HCN1: variants seen among roughly 807,000 people sequenced by gnomAD.
The protein encoded by HCN1 is hyperpolarization activated cyclic nucleotide gated potassium channel 1.
A neutral mutation model predicts 78.9 loss-of-function variants in HCN1; 13 were observed. That is an observed-to-expected ratio of 0.16 (90% confidence interval 0.11 to 0.26). The LOEUF (loss-of-function observed/expected upper bound fraction) is 0.26, where lower values mean the gene tolerates loss of function less well. Among genes scored for constraint, HCN1 ranks in the 10% least tolerant of loss-of-function variants. The pLI, the probability that HCN1 is intolerant of heterozygous loss-of-function variation, is 1.00. For synonymous variants in HCN1, 552 were observed against 455.5 expected (o/e 1.21, Z -2.70); for missense variants, 810 against 1,154.3 (o/e 0.70, Z 4.32).
chr5:45,440,461 C>A (rs1388420067), intron 3 of HCN1, among the ~76,000 whole-genome samples: 1 of 152,006 alleles, frequency 6.6e-6, no homozygotes, highest in African/African-American at 2.4e-5. Context: ...AAACTCATGC[C>A]CCTCTTGTGA....
chr5:45,328,987 ATGTAT>A (rs1413213998), intron 5 of HCN1, among the ~76,000 whole-genome samples: 1 of 151,662 alleles, frequency 6.6e-6, no homozygotes, highest in Non-Finnish European at 1.5e-5. Context: ...TTTGTTTTAA[ATGTAT>A]TGTATGTGAA....
intron 4 of HCN1, among the ~76,000 whole-genome samples, chr5:45,369,865 G>A (rs1046900094): frequency 1.3e-5 from 2 of 151,988 alleles, no homozygotes; most frequent in African/African-American, 4.8e-5. Flanking sequence ...ATACCTAAGA[G>A]ATAAGAGAAC....
intron 2 of HCN1, among the ~76,000 whole-genome samples, chr5:45,639,573 T>C (rs1349944465): frequency 6.6e-6 from 1 of 152,160 alleles, no homozygotes; most frequent in African/African-American, 2.4e-5. Flanking sequence ...ATCATAAAAA[T>C]TGAAACCTCC....
chr5:45,504,454 A>G (rs890682149), intron 2 of HCN1, among the ~76,000 whole-genome samples: 1 of 152,132 alleles, frequency 6.6e-6, no homozygotes, highest in Non-Finnish European at 1.5e-5. Context: ...GCTGCATAGT[A>G]TTCCATGGTG....
intron 4 of HCN1, among the ~76,000 whole-genome samples, chr5:45,361,181 G>C (rs1390419471): frequency 1.3e-5 from 2 of 152,092 alleles, no homozygotes; most frequent in African/African-American, 4.8e-5. Context: ...TGAGATTACA[G>C]GCATGCATCT....
At chr5:45,477,842 A>G (rs971361612) in intron 2 of HCN1, among the ~76,000 whole-genome samples, 1 of 152,198 alleles carries the variant, frequency 6.6e-6, no homozygotes, top group Non-Finnish European at 1.5e-5. Context: ...TTTTAAAACA[A>G]GCTTTAAAAT....
chr5:45,628,177 T>G (rs1461681415), intron 2 of HCN1, among the ~76,000 whole-genome samples: 1 of 152,198 alleles, frequency 6.6e-6, no homozygotes, highest in Non-Finnish European at 1.5e-5. Flanking sequence ...TCTTTACTTC[T>G]CTTGGTGTGA....
chr5:45,457,079 C>G (rs1412289124), intron 3 of HCN1, among the ~76,000 whole-genome samples: 1 of 151,844 alleles, frequency 6.6e-6, no homozygotes, highest in Non-Finnish European at 1.5e-5. Flanking sequence ...TATAAGATTG[C>G]TAGTAGAAAA....
At chr5:45,498,380 G>C (rs148386920) in intron 2 of HCN1, among the ~76,000 whole-genome samples, 1,839 of 152,140 alleles carry the variant, frequency 0.012, 26 homozygotes, top group Middle Eastern at 0.024. Context: ...CATCGCATTG[G>C]CTCCTGAGGC....
At chr5:45,539,919 GATAT>G (rs66934051) in intron 2 of HCN1, among the ~76,000 whole-genome samples, 3,557 of 125,700 alleles carry the variant, frequency 0.028, 95 homozygotes, top group African/African-American at 0.071. Flanking sequence ...TAAATTGTGA[GATAT>G]ATATATATAT....
intron 2 of HCN1, among the ~76,000 whole-genome samples, chr5:45,573,048 G>A (rs1427907618): frequency 6.6e-6 from 1 of 152,046 alleles, no homozygotes; most frequent in African/African-American, 2.4e-5. Context: ...AATGTTTTTG[G>A]CATACAGAAA....
chr5:45,451,929 A>G (rs1740926988), intron 3 of HCN1, among the ~76,000 whole-genome samples: 1 of 152,030 alleles, frequency 6.6e-6, no homozygotes, highest in Non-Finnish European at 1.5e-5. Flanking sequence ...CTAAATACAC[A>G]TCATTTGCTT....
At chr5:45,645,127 A>G in intron 2 of HCN1, 58 bp downstream of exon 2, 1 of 1,295,506 alleles carries the variant, frequency 7.7e-7, no homozygotes, top group Non-Finnish European at 1.1e-6. Context: ...TCATTGTAAA[A>G]CAGCCATAAT....
At chr5:45,411,379 C>A (rs1245983731) in intron 3 of HCN1, among the ~76,000 whole-genome samples, 1 of 151,304 alleles carries the variant, frequency 6.6e-6, no homozygotes, top group Non-Finnish European at 1.5e-5. Context: ...TTTATTCTAC[C>A]CAGTTACAAG....
At chr5:45,560,192 T>C (rs906732009) in intron 2 of HCN1, among the ~76,000 whole-genome samples, 1 of 152,174 alleles carries the variant, frequency 6.6e-6, no homozygotes, top group Admixed American at 6.6e-5. Context: ...TTTGCTTTAT[T>C]GCAGTGGTCT....
intron 3 of HCN1, among the ~76,000 whole-genome samples, chr5:45,414,505 T>C (rs1235365356): frequency 6.6e-6 from 1 of 152,032 alleles, no homozygotes; most frequent in East Asian, 1.9e-4. Context: ...TGATAAAACA[T>C]GTTTTCTCTG....
chr5:45,537,523 CTTTTTTTTTTTTT>C (rs71000638), intron 2 of HCN1, among the ~76,000 whole-genome samples: 29 of 25,768 alleles, frequency 1.1e-3, no homozygotes, highest in East Asian at 2.6e-3. Flanking sequence ...AACTCTAAGT[CTTTTTTTTTTTTT>C]TTTTTTTTTT....
intron 2 of HCN1, among the ~76,000 whole-genome samples, chr5:45,505,721 GA>G (rs1374351600): frequency 3.3e-5 from 5 of 152,040 alleles, no homozygotes; most frequent in African/African-American, 1.2e-4. Flanking sequence ...CACACATATG[GA>G]AGCTTAGTTT....
chr5:45,637,766 G>T (rs1000223832), intron 2 of HCN1, among the ~76,000 whole-genome samples: 11 of 152,050 alleles, frequency 7.2e-5, no homozygotes, highest in Non-Finnish European at 1.6e-4. Flanking sequence ...AAACTAAAGA[G>T]GTTCAACATA....
Sources: gnomAD v4.1 joint callset for allele counts (sites outside exome capture counted in the v4.1 genomes callset) on GRCh38, gnomAD v4.1.1 for gene constraint, MANE v1.5 for transcripts, NCBI Gene and HGNC (gene_info 2026-07-23, HGNC 2026-07-21) for gene names.